The following SOX6 variants were observed in gnomAD, a reference collection of about 807,000 sequenced individuals.
SOX6 encodes the protein transcription factor SOX-6.
A neutral mutation model predicts 97.8 loss-of-function variants in SOX6; 11 were observed. The observed-to-expected ratio is 0.11, with a 90% confidence interval of 0.07 to 0.19. The LOEUF is 0.19. Among genes scored for constraint, SOX6 ranks in the 10% least tolerant of loss-of-function variants. The probability of loss-of-function intolerance (pLI) is 1.00; values close to 1 mark genes in which losing one functional copy is unlikely to be tolerated. For synonymous variants in SOX6, 360 were observed against 371.4 expected, an observed-to-expected ratio of 0.97 and a Z score of 0.35; for missense variants, 810 against 1,039.5, an observed-to-expected ratio of 0.78 and a Z score of 3.04.
At chr11:16,033,289 A>G (rs1422849688) in intron 12 of SOX6, among the ~76,000 whole-genome samples, 1 of 152,196 alleles carries the variant, frequency 6.6e-6, no homozygotes, top group Non-Finnish European at 1.5e-5. Context: ...ACAACCTTAT[A>G]CAGTATGTTC....
chr11:16,725,706 T>C (rs1015447477), intron 2 of SOX6, among the ~76,000 whole-genome samples: 4 of 152,092 alleles, frequency 2.6e-5, no homozygotes, highest in African/African-American at 9.7e-5. Flanking sequence ...TCTCTCTCTA[T>C]TTTTCCTCAT....
At chr11:16,709,039 T>A (rs1324549991) in intron 3 of SOX6, among the ~76,000 whole-genome samples, 1 of 152,164 alleles carries the variant, frequency 6.6e-6, no homozygotes, top group Non-Finnish European at 1.5e-5. Flanking sequence ...AGAGGTGGCA[T>A]CTTGTACAAC....
chr11:16,528,836 A>G (rs1861202187), intron 4 of SOX6, among the ~76,000 whole-genome samples: 1 of 152,118 alleles, frequency 6.6e-6, no homozygotes, highest in Non-Finnish European at 1.5e-5. Flanking sequence ...TTCACAGGCC[A>G]TAAGAAAAGC....
chr11:16,463,604 T>C (rs796264278), intron 1 of SOX6, among the ~76,000 whole-genome samples: 5 of 152,316 alleles, frequency 3.3e-5, no homozygotes, highest in African/African-American at 1.2e-4. Flanking sequence ...CAGCAACTGT[T>C]TTTTGGTTAA....
intron 4 of SOX6, among the ~76,000 whole-genome samples, chr11:16,519,383 T>A (rs1861021064): frequency 6.6e-6 from 1 of 152,174 alleles, no homozygotes; most frequent in African/African-American, 2.4e-5. Context: ...TGGTGTCTAT[T>A]ATTTCCATCT....
chr11:16,504,023 A>T (rs1466499931), intron 4 of SOX6, among the ~76,000 whole-genome samples: 1 of 151,654 alleles, frequency 6.6e-6, no homozygotes, highest in Non-Finnish European at 1.5e-5. Flanking sequence ...AGCCTGGGCA[A>T]CAGAGTGAAA....
At chr11:16,652,380 A>T (rs911712258) in intron 3 of SOX6, among the ~76,000 whole-genome samples, 1 of 152,232 alleles carries the variant, frequency 6.6e-6, no homozygotes, top group African/African-American at 2.4e-5. Flanking sequence ...GGCTACAGTT[A>T]CTAAAACAGC....
At chr11:16,643,780 G>A (rs1848964075) in intron 3 of SOX6, among the ~76,000 whole-genome samples, 1 of 152,178 alleles carries the variant, frequency 6.6e-6, no homozygotes, top group Admixed American at 6.5e-5. Context: ...GTATTAGGGT[G>A]GGAGTGACCT....
intron 4 of SOX6, among the ~76,000 whole-genome samples, chr11:16,520,821 A>G (rs1288674449): frequency 6.6e-6 from 1 of 152,160 alleles, no homozygotes; most frequent in African/African-American, 2.4e-5. Flanking sequence ...ACACCAGGAG[A>G]TTATATCCAG....
intron 3 of SOX6, among the ~76,000 whole-genome samples, chr11:16,293,919 C>G (rs955063107): frequency 2.0e-5 from 3 of 151,942 alleles, no homozygotes. Flanking sequence ...GGATTATTCT[C>G]TACAGTCAAA....
intron 4 of SOX6, among the ~76,000 whole-genome samples, chr11:16,495,279 C>T (rs1195156826): frequency 6.6e-6 from 1 of 152,154 alleles, no homozygotes; most frequent in Non-Finnish European, 1.5e-5. Flanking sequence ...TCCCTAAAAG[C>T]AGGGCTGCAG....
chr11:16,077,844 T>A (rs771988969), intron 9 of SOX6, among the ~76,000 whole-genome samples: 22 of 152,162 alleles, frequency 1.4e-4, no homozygotes, highest in Middle Eastern at 3.4e-3. Flanking sequence ...ATAAAAAAAA[T>A]ATCTATCAGG....
chr11:16,689,789 A>C (rs1451099211), intron 3 of SOX6, among the ~76,000 whole-genome samples: 1 of 152,158 alleles, frequency 6.6e-6, no homozygotes, highest in Non-Finnish European at 1.5e-5. Flanking sequence ...AAGATTGTTT[A>C]CCTTATAAAT....
chr11:16,732,131 G>A (rs920809447), intron 2 of SOX6, among the ~76,000 whole-genome samples: 5 of 152,140 alleles, frequency 3.3e-5, no homozygotes. Context: ...TTATGAATAG[G>A]CAGAATCAAT....
chr11:16,496,698 C>T (rs185883319), intron 4 of SOX6, among the ~76,000 whole-genome samples: 17 of 152,306 alleles, frequency 1.1e-4, no homozygotes, highest in Admixed American at 2.6e-4. Flanking sequence ...GAGGGTCCTA[C>T]GCCCACAGAG....
At chr11:16,518,008 T>C (rs1861000898) in intron 4 of SOX6, among the ~76,000 whole-genome samples, 1 of 152,192 alleles carries the variant, frequency 6.6e-6, no homozygotes, top group African/African-American at 2.4e-5. Flanking sequence ...GTCTATTCAT[T>C]GCTCGCCCCA....
chr11:16,680,644 A>G (rs1257762106), intron 3 of SOX6, among the ~76,000 whole-genome samples: 1 of 152,220 alleles, frequency 6.6e-6, no homozygotes, highest in South Asian at 2.1e-4. Context: ...AAATGCCCCA[A>G]ATAAAAGACA....
chr11:16,062,490 C>T lies in SOX6; in HGVS notation c.1102-6589G>A, dbSNP rs185689455. Among the ~76,000 whole-genome samples the T allele has an allele frequency of 6.2e-3, 939 of 151,556 alleles. 2 individuals carry two copies. The highest frequency in any genetic ancestry group is 0.011 in the Non-Finnish European group (766 of 67,620). On this transcript the variant is annotated intron_variant, in intron 9 of 15. Coordinates refer to ENST00000683767, the MANE Select transcript of SOX6 (RefSeq NM_001367873.1). Reference sequence around the variant, plus strand: ...AACATAGTTGAGGTTTAAAAATCAACAATATAGTAAAGCTTATGACAGGCT... The same window carrying T: ...AACATAGTTGAGGTTTAAAAATCAATAATATAGTAAAGCTTATGACAGGCT...
chr11:16,425,629 A>G (rs768693826), intron 1 of SOX6, among the ~76,000 whole-genome samples: 2 of 152,240 alleles, frequency 1.3e-5, no homozygotes, highest in Admixed American at 1.3e-4. Flanking sequence ...GTCTTAGGAT[A>G]CAAAATCCAT....
Sources: gnomAD v4.1 joint callset for allele counts (sites outside exome capture counted in the v4.1 genomes callset) on GRCh38, gnomAD v4.1.1 for gene constraint, MANE v1.5 for transcripts, NCBI Gene and HGNC (gene_info 2026-07-23, HGNC 2026-07-21) for gene names.